SDK1: variants seen among roughly 807,000 people sequenced by gnomAD.
SDK1 encodes protein sidekick-1.
In SDK1, 157 loss-of-function variants were observed where a neutral mutation model predicts 245.5. The ratio of observed to expected loss-of-function variants is 0.64; its 90% CI spans 0.56 to 0.73. The LOEUF is 0.73. SDK1 is among the 30% of genes least tolerant of loss of function. SDK1 has a pLI of 0.00. For synonymous variants in SDK1, 1,647 were observed against 1,278.5 expected, an observed-to-expected ratio of 1.29 and a Z score of -6.15; for missense variants, 3,583 against 3,002.3, an observed-to-expected ratio of 1.19 and a Z score of -4.52.
At chr7:3,471,787 G>T (rs1781192059) in intron 1 of SDK1, among the ~76,000 whole-genome samples, 1 of 152,122 alleles carries the variant, frequency 6.6e-6, no homozygotes. Flanking sequence ...AGTCTACTCG[G>T]CTTTTCTGTT....
chr7:4,082,811 G>A (rs1781147545), intron 22 of SDK1, among the ~76,000 whole-genome samples: 1 of 152,018 alleles, frequency 6.6e-6, no homozygotes, highest in African/African-American at 2.4e-5. Context: ...GGTAGAGACA[G>A]GGTTTTGCTG....
In SDK1 at chr7:4,145,723, G is replaced by T; in HGVS notation, c.4230G>T (p.Gly1410=). The change falls in exon 29 of 45, where the codon GGG becomes GGT. Residue 1410 remains glycine, a splice_region_variant and synonymous_variant. Transcript: ENST00000404826. The stretch of plus-strand genomic sequence containing the variant: ...GTCTCCCATGTCACCTGCCTGCAGG[G>T]TACCAGATTGCCTACCGCCTGGCCA... ...PPEEPNGIIL[G]YQIAYRLASS... 2 of 1,602,218 alleles carry T rather than the reference G, an allele frequency of 1.2e-6. No homozygotes were observed. Among genetic ancestry groups the T allele is most frequent in the Non-Finnish European group, 1.7e-6 (2 of 1,174,108 alleles).
intron 1 of SDK1, among the ~76,000 whole-genome samples, chr7:3,616,196 A>G (rs1781766712): frequency 6.6e-6 from 1 of 152,162 alleles, no homozygotes; most frequent in African/African-American, 2.4e-5. Flanking sequence ...GTCCTTTTGT[A>G]GTAAGAGCTA....
intron 1 of SDK1, among the ~76,000 whole-genome samples, chr7:3,472,947 T>A (rs538405086): frequency 3.3e-5 from 5 of 152,278 alleles, no homozygotes; most frequent in African/African-American, 1.2e-4. Flanking sequence ...ATGAAAGGCA[T>A]TGCACACAGA....
Position 3,543,116 on chromosome 7 carries a change from A to C in SDK1, c.299-75964A>C, listed in dbSNP as rs543500829. 1.8e-4 allele frequency among the ~76,000 whole-genome samples: 28 copies of C among 152,360 alleles called. No individual in the cohort carries two copies. The South Asian group carries it at 5.8e-3, about 32-fold the overall frequency. Reference sequence around the variant, plus strand: ...TTTCCTGCCAAAAACGTGTTGACCTATGTCTCCAAAGTAACGGAGGTTATG... The same window carrying C: ...TTTCCTGCCAAAAACGTGTTGACCTCTGTCTCCAAAGTAACGGAGGTTATG... On this transcript the variant is annotated intron_variant, in intron 1 of 44. Coordinates refer to ENST00000404826, the MANE Select transcript of SDK1 (RefSeq NM_152744.4).
intron 4 of SDK1, among the ~76,000 whole-genome samples, chr7:3,807,934 T>G (rs1779291554): frequency 1.3e-5 from 2 of 152,128 alleles, no homozygotes; most frequent in African/African-American, 4.8e-5. Context: ...CTCGTTTAAT[T>G]CTCCTGCCAA....
chr7:3,910,412 G>A (rs988000257), intron 5 of SDK1, among the ~76,000 whole-genome samples: 6 of 152,018 alleles, frequency 3.9e-5, no homozygotes, highest in African/African-American at 7.3e-5. Flanking sequence ...TGCATAGTGC[G>A]GAATATTTCC....
At position 4,266,438 on chromosome 7, in the gene SDK1, G is replaced by C. The variant is rs1178833926; in HGVS notation, c.*1054G>C. ...TCCCGACTCGCCTCGTGCACACCAG[G>C]CCGTCCCCTCCCTCTGTCCTGGCTT... On this transcript the variant is annotated 3_prime_UTR_variant, in exon 45 of 45. Coordinates refer to ENST00000404826, the MANE Select transcript of SDK1 (RefSeq NM_152744.4). 1.0e-6 allele frequency: 1 copy of C among 985,240 alleles called. No homozygotes were observed. The highest frequency in any genetic ancestry group is 1.2e-6 in the Non-Finnish European group (1 of 829,934). 61.0% of individuals were successfully genotyped at this position (985,240 alleles called of 1,614,324 possible). A position where few individuals can be genotyped will look rare whatever the true frequency, so the allele number is the denominator to read the frequency against.
chr7:3,578,856 C>G (rs1780391996), intron 1 of SDK1, among the ~76,000 whole-genome samples: 1 of 151,874 alleles, frequency 6.6e-6, no homozygotes, highest in Admixed American at 6.6e-5. Context: ...TGTTCAAACA[C>G]ACATGTTTTA....
chr7:3,843,481 C>G (rs1476284515), intron 5 of SDK1, among the ~76,000 whole-genome samples: 1 of 152,234 alleles, frequency 6.6e-6, no homozygotes, highest in Non-Finnish European at 1.5e-5. Context: ...CTTTCTTCCT[C>G]AAATTAACTA....
intron 1 of SDK1, among the ~76,000 whole-genome samples, chr7:3,598,849 A>G (rs1392003797): frequency 4.1e-5 from 6 of 145,940 alleles, no homozygotes; most frequent in East Asian, 2.0e-4. Flanking sequence ...AACAGTTTGT[A>G]TACCATTCAC....
chr7:3,306,257 C>A (rs1034389515), intron 1 of SDK1, among the ~76,000 whole-genome samples: 16 of 151,844 alleles, frequency 1.1e-4, no homozygotes, highest in African/African-American at 3.9e-4. Context: ...TGTATGTAAC[C>A]CCTTCCATCT....
intron 5 of SDK1, among the ~76,000 whole-genome samples, chr7:3,950,373 A>G (rs144269526): frequency 6.6e-6 from 1 of 152,218 alleles, no homozygotes; most frequent in African/African-American, 2.4e-5. Flanking sequence ...CCCATCTTCT[A>G]TCTGCCCTTT....
intron 1 of SDK1, among the ~76,000 whole-genome samples, chr7:3,556,907 A>G (rs1454168544): frequency 6.6e-6 from 1 of 152,182 alleles, no homozygotes; most frequent in Non-Finnish European, 1.5e-5. Context: ...CCCTGATGTG[A>G]TTATTACACA....
At chr7:3,962,416 G>C (rs978802282) in intron 8 of SDK1, among the ~76,000 whole-genome samples, 1 of 152,154 alleles carries the variant, frequency 6.6e-6, no homozygotes, top group Non-Finnish European at 1.5e-5. Context: ...TCGGAGTGGA[G>C]CCTGGAAGGC....
intron 1 of SDK1, among the ~76,000 whole-genome samples, chr7:3,582,633 A>G (rs1049285458): frequency 3.4e-5 from 5 of 148,730 alleles, no homozygotes; most frequent in Admixed American, 6.8e-5. Flanking sequence ...CCCTCGTGAC[A>G]TGAGCTTACA....
chr7:3,481,860 G>A (rs73038535), intron 1 of SDK1, among the ~76,000 whole-genome samples: 1 of 152,266 alleles, frequency 6.6e-6, no homozygotes, highest in Non-Finnish European at 1.5e-5. Flanking sequence ...AATTATCCCT[G>A]TTGATTGCAC....
At chr7:3,653,778 G>T (rs1157897548) in intron 4 of SDK1, among the ~76,000 whole-genome samples, 1 of 152,114 alleles carries the variant, frequency 6.6e-6, no homozygotes, top group East Asian at 1.9e-4. Context: ...AGGCCTTCTG[G>T]AGCTGCTCCT....
chr7:4,255,499 A>C (rs1787566188), intron 44 of SDK1, among the ~76,000 whole-genome samples: 1 of 152,156 alleles, frequency 6.6e-6, no homozygotes, highest in Non-Finnish European at 1.5e-5. Flanking sequence ...TTCTTCCTAC[A>C]AACAAGCTGG....
Sources: gnomAD v4.1 joint callset for allele counts (sites outside exome capture counted in the v4.1 genomes callset) on GRCh38, gnomAD v4.1.1 for gene constraint, MANE v1.5 for transcripts, NCBI Gene and HGNC (gene_info 2026-07-23, HGNC 2026-07-21) for gene names.